The following ACER2 variants were observed in gnomAD, a reference collection of about 807,000 sequenced individuals.
The protein encoded by ACER2 is alkCDase 2.
Under a neutral mutation model 34.7 loss-of-function variants are expected in ACER2, and 26 were observed. That is an observed-to-expected ratio of 0.75 (90% CI 0.55 to 1.04). The LOEUF is 1.04. ACER2 is among the 50% of genes least tolerant of loss of function. ACER2 has a pLI of 0.00. For synonymous variants in ACER2, 138 were observed against 132.1 expected, an observed-to-expected ratio of 1.04 and a Z score of -0.31; for missense variants, 352 against 340.8, an observed-to-expected ratio of 1.03 and a Z score of -0.26.
rs536580498 is a variant in ACER2 at position 19,409,329 on chromosome 9, C to T, written c.108+137C>T. The T allele has an allele frequency of 6.8e-4, 519 of 761,848 alleles. 4 individuals are homozygous for T. The Middle Eastern group carries it at 0.015, about 23-fold the overall frequency. The allele number at this position is 761,848 out of a possible 1,614,324, so 47.2% of individuals were successfully genotyped here. On this transcript the variant is annotated intron_variant, in intron 1 of 5. Transcript: ENST00000340967. ...CTCCAGGGGCTGAGTCAGTCCACAC[C>T]CCCTCCTCGGCGCGCTCCTTTCAGT... is the stretch of plus-strand genomic sequence containing the variant.
intron 4 of ACER2, among the ~76,000 whole-genome samples, chr9:19,436,947 T>C (rs1406128525): frequency 2.0e-5 from 3 of 152,216 alleles, no homozygotes; most frequent in Non-Finnish European, 4.4e-5. Context: ...CTCCTCCCTC[T>C]CTGAATTTTC....
At chr9:19,446,042 T>C (rs1831346007) in intron 4 of ACER2, 6 of 686,948 alleles carry the variant, frequency 8.7e-6, no homozygotes, top group Non-Finnish European at 1.6e-5. Flanking sequence ...AAAATGTAGT[T>C]GGGTGTATGA....
chr9:19,448,850 G>T (rs552886487), intron 5 of ACER2, among the ~76,000 whole-genome samples: 1 of 152,242 alleles, frequency 6.6e-6, no homozygotes, highest in South Asian at 2.1e-4. Flanking sequence ...ATTTTTAAAA[G>T]TTCATATCAG....
At chr9:19,413,673 G>T (rs547381421) in intron 1 of ACER2, among the ~76,000 whole-genome samples, 1 of 151,948 alleles carries the variant, frequency 6.6e-6, no homozygotes, top group Non-Finnish European at 1.5e-5. Context: ...AGAAAAGCCG[G>T]GTCTGCCTTT....
At chr9:19,446,905 G>T (rs1831386367) in intron 5 of ACER2, among the ~76,000 whole-genome samples, 1 of 152,084 alleles carries the variant, frequency 6.6e-6, no homozygotes, top group Admixed American at 6.6e-5. Context: ...GGGGACAGAA[G>T]ACCAGAGAGC....
At position 19,451,489 on chromosome 9, in the gene ACER2, G is replaced by C. The variant is rs1019739431; in HGVS notation, c.*853G>C. 6.6e-6 allele frequency: 1 copy of C among 152,590 alleles called. No individual in the cohort carries two copies. The highest frequency in any genetic ancestry group is 1.5e-5 in the Non-Finnish European group (1 of 68,044). 9.5% of individuals were successfully genotyped at this position (152,590 alleles called of 1,614,324 possible). A position where few individuals can be genotyped will look rare whatever the true frequency, so the allele number is the denominator to read the frequency against. The stretch of plus-strand genomic sequence containing the variant: ...AGAGATGGAGAGACTTCAGATAAAC[G>C]TGAAGCTAATGAGTAAAACCCTCTC... On this transcript the variant is annotated 3_prime_UTR_variant, in exon 6 of 6. Coordinates refer to ENST00000340967, the MANE Select transcript of ACER2 (RefSeq NM_001010887.3).
chr9:19,413,676 C>A (rs1830156866), intron 1 of ACER2, among the ~76,000 whole-genome samples: 1 of 151,746 alleles, frequency 6.6e-6, no homozygotes, highest in South Asian at 2.1e-4. Flanking sequence ...AAAGCCGGGT[C>A]TGCCTTTTAC....
intron 4 of ACER2, among the ~76,000 whole-genome samples, chr9:19,443,537 A>G (rs1831229092): frequency 6.6e-6 from 1 of 152,258 alleles, no homozygotes; most frequent in Admixed American, 6.5e-5. Flanking sequence ...CCATTTATGC[A>G]TAATTTTATC....
intron 5 of ACER2, among the ~76,000 whole-genome samples, chr9:19,450,033 C>G (rs894909497): frequency 6.6e-6 from 1 of 151,690 alleles, no homozygotes; most frequent in African/African-American, 2.4e-5. Context: ...GTGGTTTAAC[C>G]AACATAAAAT....
chr9:19,423,861 G>T lies in ACER2; in HGVS notation c.109-1G>T. 1 of 1,611,624 alleles carries T rather than the reference G, an allele frequency of 6.2e-7. No individual in the cohort carries two copies. The highest frequency in any genetic ancestry group is 1.1e-5 in the South Asian group (1 of 91,000). ...TTCTGTTTTACATTTTTTTCCTGCAGATCAGCAATGTCTTATTTTTCATTT... is the reference window on the plus strand; with the variant it reads ...TTCTGTTTTACATTTTTTTCCTGCATATCAGCAATGTCTTATTTTTCATTT... On this transcript the variant is annotated splice_acceptor_variant, in intron 1 of 5. Transcript: ENST00000340967. LOFTEE classifies it high-confidence loss of function.
chr9:19,447,718 A>C (rs1265215122), intron 5 of ACER2, among the ~76,000 whole-genome samples: 1 of 152,198 alleles, frequency 6.6e-6, no homozygotes, highest in Non-Finnish European at 1.5e-5. Flanking sequence ...AAACTATGTA[A>C]TAATTTTGAC....
chr9:19,425,129 G>A (rs931044989), intron 3 of ACER2, among the ~76,000 whole-genome samples: 3 of 152,190 alleles, frequency 2.0e-5, no homozygotes, highest in Non-Finnish European at 4.4e-5. Context: ...GACCTTCAGT[G>A]GGGGTGACAT....
chr9:19,450,498 C>G lies in ACER2; in HGVS notation c.690C>G (p.Ala230=). The G allele has an allele frequency of 6.2e-7, 1 of 1,612,162 alleles. No individual in the cohort carries two copies. Among genetic ancestry groups the G allele is most frequent in the Non-Finnish European group, 8.5e-7 (1 of 1,178,462 alleles). Residue 230 remains alanine (A), a synonymous_variant, in exon 6 of 6, where the codon GCC becomes GCG. Transcript: ENST00000340967. ...CCTACCTGGGCTGTGTATGCTTTGC[C>G]TACTTTGATGCTGCCTCAGAGATTC... ...LAAYLGCVCF[A]YFDAASEIPE...
Position 19,450,723 on chromosome 9 carries a change from A to G in ACER2, c.*87A>G. ...GGAAGACAGCCAAGGGAGTTCGAAT[A>G]GTTGGGGTGTGGGCTATCTTTTCAA... On this transcript the variant is annotated 3_prime_UTR_variant, in exon 6 of 6. Transcript: ENST00000340967. The G allele has an allele frequency of 7.6e-7, 1 of 1,310,622 alleles. No homozygotes were observed. Among genetic ancestry groups the G allele is most frequent in the Non-Finnish European group, 1.0e-6 (1 of 977,994 alleles). The allele number at this position is 1,310,622 out of a possible 1,614,324, so 81.2% of individuals were successfully genotyped here. A position where few individuals can be genotyped will look rare whatever the true frequency, so the allele number is the denominator to read the frequency against.
At chr9:19,450,324 G>A in intron 5 of ACER2, 126 bp from the exon 6 acceptor site, 1 of 1,345,136 alleles carries the variant, frequency 7.4e-7, no homozygotes, top group Non-Finnish European at 9.6e-7. Context: ...CTAATTAGAA[G>A]AGGCCCCTGG....
chr9:19,414,999 C>T (rs866479589), intron 1 of ACER2, among the ~76,000 whole-genome samples: 6 of 152,054 alleles, frequency 3.9e-5, no homozygotes, highest in Middle Eastern at 6.8e-3. Flanking sequence ...TTTGGTGTTC[C>T]TTCATCTTTT....
At chr9:19,447,042 G>T (rs16937532) in intron 5 of ACER2, among the ~76,000 whole-genome samples, 8,441 of 151,982 alleles carry the variant, frequency 0.056, 791 homozygotes, top group African/African-American at 0.19. Flanking sequence ...AAAAAAAGCG[G>T]GTTACAAAAT....
chr9:19,436,889 T>C (rs1830994099), intron 4 of ACER2, among the ~76,000 whole-genome samples: 1 of 152,218 alleles, frequency 6.6e-6, no homozygotes, highest in African/African-American at 2.4e-5. Context: ...ATAGCTTGTT[T>C]TCAGTGCTCC....
intron 3 of ACER2, among the ~76,000 whole-genome samples, chr9:19,431,593 C>A (rs915169881): frequency 1.3e-5 from 2 of 152,222 alleles, no homozygotes; most frequent in South Asian, 2.1e-4. Context: ...TGGCTGTGGG[C>A]CCTCACCCTG....
Sources: gnomAD v4.1 joint callset for allele counts (sites outside exome capture counted in the v4.1 genomes callset) on GRCh38, gnomAD v4.1.1 for gene constraint, MANE v1.5 for transcripts, NCBI Gene and HGNC (gene_info 2026-07-23, HGNC 2026-07-21) for gene names.